Variants in KIF2A observed in about 807,000 individuals in gnomAD.
KIF2A encodes the protein kinesin-like protein KIF2A.
Under a neutral mutation model 100.2 loss-of-function variants are expected in KIF2A, and 22 were observed. The observed-to-expected ratio is 0.22, with a 90% CI of 0.16 to 0.31. The LOEUF (loss-of-function observed/expected upper bound fraction) is 0.31, where lower values mean the gene tolerates loss of function less well. Ranked by LOEUF, KIF2A falls within the 10% of genes least tolerant of loss-of-function variation. The pLI is 1.00. For missense variants in KIF2A, 495 were observed against 898.7 expected (o/e 0.55, Z 5.74); for synonymous variants, 268 against 285.9 (o/e 0.94, Z 0.63).
In KIF2A at chr5:62,333,956, G is replaced by A. The variant is rs1222643758; in HGVS notation, c.65-13174G>A. Among the ~76,000 whole-genome samples, 46 of 152,138 alleles carry A rather than the reference G, an allele frequency of 3.0e-4. 1 individual carries two copies. The highest frequency in any genetic ancestry group is 1.5e-5 in the Non-Finnish European group (1 of 68,014). ...TGCTATTGAGGAGAAGTTCTCCTAG[G>A]TGACAAGCATTTGCTGAAGCCATGG... On this transcript the variant is annotated intron_variant, in intron 1 of 20. Coordinates refer to ENST00000407818, the MANE Select transcript of KIF2A (RefSeq NM_001098511.3).
intron 1 of KIF2A, among the ~76,000 whole-genome samples, chr5:62,307,663 G>T (rs1357386691): frequency 2.0e-5 from 3 of 150,240 alleles, no homozygotes; most frequent in African/African-American, 7.4e-5. Context: ...TTTCACCCAG[G>T]CTGGAGTGCA....
intron 1 of KIF2A, among the ~76,000 whole-genome samples, chr5:62,323,838 G>T (rs1459484262): frequency 6.6e-6 from 1 of 151,936 alleles, no homozygotes; most frequent in Non-Finnish European, 1.5e-5. Flanking sequence ...AGAAGTTTGA[G>T]ATCAGCCTGG....
chr5:62,346,044 G>A (rs1324272089), intron 1 of KIF2A, among the ~76,000 whole-genome samples: 1 of 151,888 alleles, frequency 6.6e-6, no homozygotes, highest in Non-Finnish European at 1.5e-5. Context: ...TCATTGCAGT[G>A]TTTATAATAA....
chr5:62,371,304 C>CT (rs1741314733), intron 16 of KIF2A, among the ~76,000 whole-genome samples: 1 of 151,992 alleles, frequency 6.6e-6, no homozygotes, highest in Non-Finnish European at 1.5e-5. Flanking sequence ...GGTAAATAAA[C>CT]TTTAAGGATA....
At chr5:62,344,079 C>G (rs1747431158) in intron 1 of KIF2A, among the ~76,000 whole-genome samples, 1 of 152,174 alleles carries the variant, frequency 6.6e-6, no homozygotes, top group African/African-American at 2.4e-5. Flanking sequence ...GGCGCAGTGG[C>G]TCACGCCTGT....
chr5:62,366,126 A>AC (rs1741058029), intron 15 of KIF2A, among the ~76,000 whole-genome samples: 1 of 152,070 alleles, frequency 6.6e-6, no homozygotes, highest in African/African-American at 2.4e-5. Flanking sequence ...AAAAAAAAAA[A>AC]AGTCAGGTGG....
intron 1 of KIF2A, among the ~76,000 whole-genome samples, chr5:62,327,240 T>TA (rs577163671): frequency 4.3e-4 from 66 of 152,296 alleles, no homozygotes; most frequent in African/African-American, 1.5e-3. Flanking sequence ...TTGATTGTCT[T>TA]AAAAAATACT....
intron 16 of KIF2A, among the ~76,000 whole-genome samples, chr5:62,367,516 C>T (rs1002327899): frequency 1.1e-4 from 16 of 152,200 alleles, no homozygotes; most frequent in African/African-American, 3.1e-4. Context: ...ATCCACCTGC[C>T]TCGGCCTCCC....
chr5:62,366,269 A>T lies in KIF2A; in HGVS notation c.1579-145A>T, dbSNP rs555776835. Reference sequence around the variant, plus strand: ...TATCTGATTATAGATATGATAACAAATAATCTTGGAGTTGAGATATCATTA... The same window carrying T: ...TATCTGATTATAGATATGATAACAATTAATCTTGGAGTTGAGATATCATTA... On this transcript the variant is annotated intron_variant, in intron 15 of 20. Coordinates refer to ENST00000407818, the MANE Select transcript of KIF2A (RefSeq NM_001098511.3). 364 of 634,436 alleles carry T rather than the reference A, an allele frequency of 5.7e-4. 1 individual carries two copies. Among genetic ancestry groups the T allele is most frequent in the Admixed American group, 9.0e-4 (32 of 35,560 alleles). The allele number at this position is 634,436 out of a possible 1,614,324, so 39.3% of individuals were successfully genotyped here. A position where few individuals can be genotyped will look rare whatever the true frequency, so the allele number is the denominator to read the frequency against.
Position 62,388,895 on chromosome 5 carries a change from CA to C in KIF2A, c.*3331del. ...GGTGACAACAGTAGTAGTATTGAAC[CA>C]AAAATAGTCAAGTAAATAATGTCTC... is the stretch of plus-strand genomic sequence containing the variant. On this transcript the variant is annotated 3_prime_UTR_variant, in exon 21 of 21. Transcript: ENST00000407818. The C allele has an allele frequency of 9.9e-7, 1 of 1,008,384 alleles. No homozygotes were observed. Among genetic ancestry groups the C allele is most frequent in the Non-Finnish European group, 1.5e-6 (1 of 672,434 alleles). 62.5% of individuals were successfully genotyped at this position (1,008,384 alleles called of 1,614,324 possible).
intron 1 of KIF2A, among the ~76,000 whole-genome samples, chr5:62,325,160 T>C (rs1746306364): frequency 6.6e-6 from 1 of 152,134 alleles, no homozygotes; most frequent in African/African-American, 2.4e-5. Context: ...AGTCTCGCTC[T>C]GTCACCCAGG....
intron 1 of KIF2A, among the ~76,000 whole-genome samples, chr5:62,328,551 G>A (rs1746489611): frequency 6.6e-6 from 1 of 152,100 alleles, no homozygotes; most frequent in Non-Finnish European, 1.5e-5. Context: ...GAGTGCAGTG[G>A]TGCGATCTCG....
At position 62,308,448 on chromosome 5, in the gene KIF2A, GC is replaced by G. The variant is rs992631854; in HGVS notation, c.64+1913del. The G allele has an allele frequency of 1.6e-5, 15 of 948,568 alleles. No homozygotes were observed. In the African/African-American group the frequency reaches 2.2e-4, roughly 14 times the overall value. The allele number at this position is 948,568 out of a possible 1,614,324, so 58.8% of individuals were successfully genotyped here. A position where few individuals can be genotyped will look rare whatever the true frequency, so the allele number is the denominator to read the frequency against. On this transcript the variant is annotated intron_variant, in intron 1 of 20. Transcript: ENST00000407818. The stretch of plus-strand genomic sequence containing the variant: ...ACCTTGTGAAGATATCTGCACTCTC[GC>G]GTTCATTGCAGCATTATTCACAGTA...
Position 62,348,114 on chromosome 5 carries a change from C to A in KIF2A, c.226C>A (p.Pro76Thr), listed in dbSNP as rs748463159. Residue 76 changes from proline (P) to threonine (T), a missense_variant, in exon 3 of 21, where the codon CCA (proline) becomes ACA (threonine). Physicochemically the swap from Pro to Thr is conservative, Grantham distance 38 (BLOSUM62 -1). Transcript: ENST00000407818. ...TCCTGATGAAGAAATTGAACCCAGT[C>A]CAGAAACACCTCCACCTCCAGCATC... ...LVPDEEIEPS[P>T]ETPPPPASSA... The A allele has an allele frequency of 5.6e-5, 91 of 1,613,658 alleles. No homozygotes were observed. In the Admixed American group the frequency reaches 1.5e-3, roughly 27 times the overall value.
intron 1 of KIF2A, among the ~76,000 whole-genome samples, chr5:62,333,345 C>T (rs889571804): frequency 2.0e-5 from 3 of 152,180 alleles, no homozygotes; most frequent in Non-Finnish European, 2.9e-5. Context: ...GAGGCTGAGG[C>T]GGCAGTCGCT....
At chr5:62,352,567 A>ATT in intron 4 of KIF2A, 21 bp from the exon 5 acceptor site, 71 of 1,118,618 alleles carry the variant, frequency 6.3e-5, no homozygotes, top group South Asian at 1.2e-4. Flanking sequence ...TGAATTTAAA[A>ATT]TTTTTTTTTT....
chr5:62,349,311 A>G (rs1298301568), intron 3 of KIF2A, among the ~76,000 whole-genome samples: 1 of 151,434 alleles, frequency 6.6e-6, no homozygotes, highest in Non-Finnish European at 1.5e-5. Flanking sequence ...AGTATTAAAA[A>G]TATTTTTAAA....
At chr5:62,382,858 C>T (rs2112011630) in intron 20 of KIF2A, among the ~76,000 whole-genome samples, 1 of 151,908 alleles carries the variant, frequency 6.6e-6, no homozygotes, top group African/African-American at 2.4e-5. Context: ...AACTCCTCAC[C>T]TCAGGTGATC....
At chr5:62,314,521 T>C (rs1745710175) in intron 1 of KIF2A, among the ~76,000 whole-genome samples, 1 of 152,138 alleles carries the variant, frequency 6.6e-6, no homozygotes, top group Non-Finnish European at 1.5e-5. Context: ...TGGATGCAGC[T>C]ACTGGTGGTT....
Sources: gnomAD v4.1 joint callset for allele counts (sites outside exome capture counted in the v4.1 genomes callset) on GRCh38, gnomAD v4.1.1 for gene constraint, MANE v1.5 for transcripts, NCBI Gene and HGNC (gene_info 2026-07-23, HGNC 2026-07-21) for gene names.